WWP2: variants seen among roughly 807,000 people sequenced by gnomAD.
The protein encoded by WWP2 is WW domain containing E3 ubiquitin protein ligase 2, also known as NEDD4-like E3 ubiquitin-protein ligase WWP2.
Under a neutral mutation model 121.0 loss-of-function variants are expected in WWP2, and 57 were observed. That is an observed-to-expected ratio of 0.47 (90% CI 0.38 to 0.59). The LOEUF (loss-of-function observed/expected upper bound fraction) is 0.59. WWP2 is among the 20% of genes least tolerant of loss of function. WWP2 has a pLI of 0.00. For missense variants in WWP2, 962 were observed against 1,158.9 expected (o/e 0.83, Z 2.47); for synonymous variants, 449 against 441.3 (o/e 1.02, Z -0.22).
intron 4 of WWP2, among the ~76,000 whole-genome samples, chr16:69,828,759 G>A (rs1486618544): frequency 1.3e-5 from 2 of 152,170 alleles, no homozygotes; most frequent in Non-Finnish European, 2.9e-5. Flanking sequence ...TCTTGGCAAG[G>A]TCATCATCTA....
rs946565124 is a variant in WWP2 at position 69,939,253 on chromosome 16, C to A, written c.2441-88C>A. ...GAGCTGTGGCCTCTGCATCCTGGGG[C>A]CGAGCCCATCTGTGGGTGGAGCCGG... On this transcript the variant is annotated intron_variant, in intron 22 of 23. Coordinates refer to ENST00000359154, the MANE Select transcript of WWP2 (RefSeq NM_001270454.2). 36 of 1,581,784 alleles carry A rather than the reference C, an allele frequency of 2.3e-5. 1 individual carries two copies. Among genetic ancestry groups the A allele is most frequent in the Non-Finnish European group, 3.0e-5 (35 of 1,153,526 alleles).
intron 7 of WWP2, among the ~76,000 whole-genome samples, chr16:69,883,939 G>C (rs367923842): frequency 1.3e-5 from 2 of 152,034 alleles, no homozygotes; most frequent in East Asian, 3.9e-4. Context: ...TGTTCTTTTC[G>C]TGGTCAGCTA....
intron 9 of WWP2, among the ~76,000 whole-genome samples, chr16:69,913,967 G>A (rs1597152931): frequency 6.6e-6 from 1 of 151,246 alleles, no homozygotes; most frequent in African/African-American, 2.4e-5. Flanking sequence ...AGCTACTCGC[G>A]AGGCTGAGGA....
At position 69,799,748 on chromosome 16, in the gene WWP2, A is replaced by G. The variant is rs1051303260; in HGVS notation, c.340+453A>G. On this transcript the variant is annotated intron_variant, in intron 4 of 23. Coordinates refer to ENST00000359154, the MANE Select transcript of WWP2 (RefSeq NM_001270454.2). This position sits in a 1 kb window ranked among gnomAD's most constrained non-coding sequence, Gnocchi z 4.5. ...TGTGCACGTGTGTGTCTGGGATAGTATTACAAATAGTGCCCTGTGCTTACT... is the reference window on the plus strand; with the variant it reads ...TGTGCACGTGTGTGTCTGGGATAGTGTTACAAATAGTGCCCTGTGCTTACT... Among the ~76,000 whole-genome samples, 1 of 152,180 alleles carries G rather than the reference A, an allele frequency of 6.6e-6. No individual in the cohort carries two copies. The highest frequency in any genetic ancestry group is 1.5e-5 in the Non-Finnish European group (1 of 68,028).
intron 7 of WWP2, among the ~76,000 whole-genome samples, chr16:69,886,375 G>T (rs1227793073): frequency 6.6e-6 from 1 of 151,940 alleles, no homozygotes; most frequent in Non-Finnish European, 1.5e-5. Context: ...TAGGTATCCG[G>T]CCTAGATACT....
At chr16:69,813,322 C>T (rs1014117628) in intron 4 of WWP2, among the ~76,000 whole-genome samples, 4 of 151,986 alleles carry the variant, frequency 2.6e-5, no homozygotes, top group African/African-American at 9.7e-5. Flanking sequence ...GCCACCACAC[C>T]CAGCTAATTT....
intron 21 of WWP2, among the ~76,000 whole-genome samples, chr16:69,938,407 CAGG>C (rs2058831966): frequency 6.6e-6 from 1 of 152,190 alleles, no homozygotes; most frequent in Admixed American, 6.5e-5. Flanking sequence ...CACTTGAGGT[CAGG>C]AGTTCAAGAC....
chr16:69,762,594 C>T (rs868107266), intron 1 of WWP2, among the ~76,000 whole-genome samples: 1 of 151,200 alleles, frequency 6.6e-6, no homozygotes, highest in Non-Finnish European at 1.5e-5. Context: ...GTGGGCGCGC[C>T]GCGGCCCGCG....
At chr16:69,901,025 C>T (rs76310379) in intron 8 of WWP2, among the ~76,000 whole-genome samples, 4,564 of 152,216 alleles carry the variant, frequency 0.03, 104 homozygotes, top group Middle Eastern at 0.041. Flanking sequence ...CGGGGAAGGA[C>T]TGAGTTTAAC....
chr16:69,929,180 C>T (rs931129396), intron 11 of WWP2, among the ~76,000 whole-genome samples: 1 of 152,114 alleles, frequency 6.6e-6, no homozygotes, highest in Non-Finnish European at 1.5e-5. Context: ...CACACCACCC[C>T]CTCCCTCCGA....
intron 4 of WWP2, among the ~76,000 whole-genome samples, chr16:69,825,742 C>T (rs2056675877): frequency 6.6e-6 from 1 of 151,254 alleles, no homozygotes; most frequent in African/African-American, 2.4e-5. Context: ...CCTCCCACCT[C>T]AGCCTCCCAA....
chr16:69,786,302 C>G (rs1219825675), intron 1 of WWP2, among the ~76,000 whole-genome samples: 2 of 151,674 alleles, frequency 1.3e-5, no homozygotes, highest in Non-Finnish European at 2.9e-5. Flanking sequence ...CACCACTATG[C>G]TTGGCTAATT....
chr16:69,886,687 G>A (rs937328796), intron 7 of WWP2, among the ~76,000 whole-genome samples: 5 of 152,304 alleles, frequency 3.3e-5, no homozygotes, highest in African/African-American at 9.6e-5. Context: ...TTAAACCTGG[G>A]AGGCAGAGGT....
At chr16:69,904,370 G>A (rs963024658) in intron 8 of WWP2, among the ~76,000 whole-genome samples, 3 of 151,144 alleles carry the variant, frequency 2.0e-5, no homozygotes, top group Admixed American at 6.6e-5. Flanking sequence ...TACCCAGTGC[G>A]CATTTTCTTT....
chr16:69,931,163 G>C lies in WWP2; in HGVS notation c.1457G>C (p.Gly486Ala). The change falls in exon 14 of 24, where the codon GGT (glycine) becomes GCT (alanine). Residue 486 changes from glycine (G) to alanine (A), a missense_variant. By Grantham distance (60) the Gly-to-Ala change is moderately conservative. This residue lies in a region of WWP2 where 606 missense variants were observed against 772.6 expected (regional missense o/e 0.78). Transcript: ENST00000359154. ...TTTGCTCTTCCTAGGACGAAGCAAG[G>C]TTCCCCTGGTGCTTATGACCGCAGT... ...RPGFESGTKQ[G>A]SPGAYDRSFR... The C allele has an allele frequency of 6.2e-7, 1 of 1,614,094 alleles. No individual in the cohort carries two copies. The highest frequency in any genetic ancestry group is 8.5e-7 in the Non-Finnish European group (1 of 1,180,002).
At chr16:69,840,285 A>C in intron 5 of WWP2, 22 bp downstream of exon 5, 2 of 1,598,640 alleles carry the variant, frequency 1.3e-6, no homozygotes, top group Non-Finnish European at 8.5e-7. Context: ...CCTGCTCCTC[A>C]GGACTGTGCC....
chr16:69,925,347 AT>A lies in WWP2; in HGVS notation c.1180-78del. On this transcript the variant is annotated intron_variant, in intron 10 of 23. Coordinates refer to ENST00000359154, the MANE Select transcript of WWP2 (RefSeq NM_001270454.2). The surrounding 1 kb of genome is among the most constrained non-coding windows in gnomAD (Gnocchi z 4.0). Reference sequence around the variant, plus strand: ...TCAAATGTGGAAGCCAGTCATTGGCATTTTTATTTTTTATTGATTGATTGAT... The same window carrying A: ...TCAAATGTGGAAGCCAGTCATTGGCATTTTATTTTTTATTGATTGATTGAT... The A allele has an allele frequency of 1.3e-6, 2 of 1,580,784 alleles. No individual in the cohort carries two copies. The highest frequency in any genetic ancestry group is 1.7e-6 in the Non-Finnish European group (2 of 1,160,172).
At chr16:69,918,433 T>C (rs2058507634) in intron 10 of WWP2, among the ~76,000 whole-genome samples, 1 of 152,246 alleles carries the variant, frequency 6.6e-6, no homozygotes, top group Non-Finnish European at 1.5e-5. Context: ...TTCATTTTGT[T>C]AATAAAGTTT....
chr16:69,854,233 G>A (rs1228247911), intron 6 of WWP2, among the ~76,000 whole-genome samples: 1 of 152,248 alleles, frequency 6.6e-6, no homozygotes, highest in Non-Finnish European at 1.5e-5. Flanking sequence ...AGTCTTGAGA[G>A]CTTGGTAGCT....
Sources: allele counts gnomAD v4.1 joint callset (sites outside exome capture counted in the v4.1 genomes callset), GRCh38; gene constraint gnomAD v4.1.1; regional missense constraint gnomAD v4.1.1; non-coding constraint Gnocchi (gnomAD v3.1); transcripts MANE v1.5; gene names NCBI Gene and HGNC (gene_info 2026-07-23, HGNC 2026-07-21).